Variants in COL24A1 observed in about 807,000 individuals in gnomAD.
COL24A1 encodes the protein collagen alpha-1(XXIV) chain.
A neutral mutation model predicts 253.9 loss-of-function variants in COL24A1; 224 were observed. The ratio of observed to expected loss-of-function variants is 0.88; its 90% confidence interval spans 0.79 to 0.99. The LOEUF (loss-of-function observed/expected upper bound fraction) is 0.99. Ranked by LOEUF, COL24A1 falls within the 50% of genes least tolerant of loss-of-function variation. The pLI is 0.00. For synonymous variants in COL24A1, 685 were observed against 673.7 expected, an observed-to-expected ratio of 1.02 and a Z score of -0.26; for missense variants, 2,131 against 2,068.5, an observed-to-expected ratio of 1.03 and a Z score of -0.59.
At chr1:86,086,671 T>C (rs1703087813) in intron 7 of COL24A1, among the ~76,000 whole-genome samples, 1 of 151,912 alleles carries the variant, frequency 6.6e-6, no homozygotes, top group Non-Finnish European at 1.5e-5. Context: ...ACATCAAACA[T>C]GAAAAAGCAA....
chr1:85,999,843 G>C (rs953493409), intron 19 of COL24A1, among the ~76,000 whole-genome samples: 7 of 152,016 alleles, frequency 4.6e-5, no homozygotes, highest in Non-Finnish European at 8.8e-5. Context: ...AGATGAGAGG[G>C]GGGTCTCATA....
intron 24 of COL24A1, among the ~76,000 whole-genome samples, chr1:85,941,126 C>T (rs912333124): frequency 6.6e-6 from 1 of 152,118 alleles, no homozygotes; most frequent in Non-Finnish European, 1.5e-5. Context: ...CTTCCCAAGA[C>T]TCTAATAACT....
In COL24A1 at chr1:85,847,684, C is replaced by A. The variant is rs1321497313; in HGVS notation, c.3443G>T (p.Arg1148Ile). 2 of 1,613,510 alleles carry A rather than the reference C, an allele frequency of 1.2e-6. No individual in the cohort carries two copies. The highest frequency in any genetic ancestry group is 3.3e-5 in the Admixed American group (2 of 59,952). The change falls in exon 39 of 60, where the codon AGA (arginine) becomes ATA (isoleucine). Residue 1148 changes from arginine (R) to isoleucine (I), a missense_variant. Transcript: ENST00000370571. ...KIGKSGPKGA[R>I]GTRGAVGHLG... Reference sequence around the variant, plus strand: ...ACTGACCACAGCACCTCTAGTTCCTCTGGCACCCTTAGGACCACTTTTCCC... The same window carrying A: ...ACTGACCACAGCACCTCTAGTTCCTATGGCACCCTTAGGACCACTTTTCCC...
intron 2 of COL24A1, among the ~76,000 whole-genome samples, chr1:86,141,996 C>T (rs1272625659): frequency 6.6e-6 from 1 of 151,996 alleles, no homozygotes; most frequent in African/African-American, 2.4e-5. Context: ...TCGCATCTGG[C>T]CAGTGTCTTA....
chr1:85,764,052 T>A (rs1008923997), intron 53 of COL24A1, among the ~76,000 whole-genome samples: 1 of 152,226 alleles, frequency 6.6e-6, no homozygotes, highest in Non-Finnish European at 1.5e-5. Context: ...ATTTCCTTTA[T>A]GTCATTTCCC....
At chr1:86,029,197 T>C (rs1413513697) in intron 14 of COL24A1, among the ~76,000 whole-genome samples, 2 of 150,480 alleles carry the variant, frequency 1.3e-5, no homozygotes, top group Non-Finnish European at 3.0e-5. Context: ...ACTAAAGAAA[T>C]CTCATAAGGT....
intron 7 of COL24A1, among the ~76,000 whole-genome samples, chr1:86,077,986 A>T (rs530660281): frequency 2.5e-4 from 38 of 152,266 alleles, no homozygotes; most frequent in African/African-American, 8.9e-4. Flanking sequence ...GTATAATTTT[A>T]AAAAAATTAA....
intron 4 of COL24A1, among the ~76,000 whole-genome samples, chr1:86,115,040 ATAAG>A: frequency 6.6e-6 from 1 of 152,286 alleles, no homozygotes; most frequent in East Asian, 1.9e-4. Context: ...CGATCACTTT[ATAAG>A]TAAGAATAAT....
Position 85,987,613 on chromosome 1 carries a change from A to C in COL24A1, c.2352T>G (p.Pro784=). The C allele has an allele frequency of 6.2e-7, 1 of 1,610,914 alleles. No individual in the cohort carries two copies. Among genetic ancestry groups the C allele is most frequent in the Non-Finnish European group, 8.5e-7 (1 of 1,178,000 alleles). Residue 784 remains proline (P), a synonymous_variant, in exon 20 of 60, where the codon CCT becomes CCG. Coordinates refer to ENST00000370571, the MANE Select transcript of COL24A1 (RefSeq NM_152890.7). ...TTCTTCTTCTTACCTTTGGTCCTTC[A>C]GGGCCGTTTTGTCCAGGAATCCCAA... ...GDIGIPGQNG[P]EGPKGLLGNR...
chr1:85,922,775 C>G (rs1462938352), intron 24 of COL24A1, among the ~76,000 whole-genome samples: 2 of 152,116 alleles, frequency 1.3e-5, no homozygotes, highest in Non-Finnish European at 2.9e-5. Flanking sequence ...GGCAAAATAA[C>G]CAGCTAACAT....
intron 24 of COL24A1, among the ~76,000 whole-genome samples, chr1:85,956,804 T>C (rs937601841): frequency 6.6e-6 from 1 of 152,182 alleles, no homozygotes; most frequent in African/African-American, 2.4e-5. Context: ...GCTTGCTTGA[T>C]TTAAGTATCA....
intron 28 of COL24A1, among the ~76,000 whole-genome samples, chr1:85,897,442 G>A (rs1571133423): frequency 6.6e-6 from 1 of 150,916 alleles, no homozygotes; most frequent in African/African-American, 2.5e-5. Flanking sequence ...ATAAAGTTTA[G>A]CTGGAATAAA....
In COL24A1 at chr1:86,089,228, C is replaced by G. The variant is rs1703307648; in HGVS notation, c.1654-1G>C. 1.3e-6 allele frequency: 2 copies of G among 1,582,602 alleles called. No individual in the cohort carries two copies. The highest frequency in any genetic ancestry group is 1.2e-5 in the South Asian group (1 of 84,520). Reference sequence around the variant, plus strand: ...TTAATCCAGAAAGGCCTTGATCACCCTATAAACAAAATACAGACGTTTAAT... The same window carrying G: ...TTAATCCAGAAAGGCCTTGATCACCGTATAAACAAAATACAGACGTTTAAT... On this transcript the variant is annotated splice_acceptor_variant, in intron 6 of 59. Coordinates refer to ENST00000370571, the MANE Select transcript of COL24A1 (RefSeq NM_152890.7). LOFTEE classifies it high-confidence loss of function.
intron 11 of COL24A1, among the ~76,000 whole-genome samples, chr1:86,049,440 G>T (rs1322130936): frequency 1.3e-5 from 2 of 152,100 alleles, no homozygotes; most frequent in African/African-American, 4.8e-5. Flanking sequence ...AATGATAGGG[G>T]TGAAGGCTGA....
chr1:86,022,953 C>T lies in COL24A1; in HGVS notation c.2103+1G>A. ...TATCCATTATACAAATAGAACCATA[C>T]CATTGGGCCAGGAATTCCAGCAGGT... On this transcript the variant is annotated splice_donor_variant, in intron 15 of 59. Coordinates refer to ENST00000370571, the MANE Select transcript of COL24A1 (RefSeq NM_152890.7). LOFTEE classifies it high-confidence loss of function. 1.2e-6 allele frequency: 2 copies of T among 1,613,202 alleles called. No homozygotes were observed. The highest frequency in any genetic ancestry group is 1.7e-6 in the Non-Finnish European group (2 of 1,179,476).
At chr1:86,089,495 C>T (rs1406775465) in intron 6 of COL24A1, among the ~76,000 whole-genome samples, 2 of 152,154 alleles carry the variant, frequency 1.3e-5, no homozygotes, top group Admixed American at 6.5e-5. Flanking sequence ...TGTCAAACTT[C>T]GCCTCAGTCC....
intron 37 of COL24A1, among the ~76,000 whole-genome samples, chr1:85,864,555 CATT>C (rs1269719385): frequency 6.6e-6 from 1 of 151,970 alleles, no homozygotes; most frequent in African/African-American, 2.4e-5. Flanking sequence ...AAAAAATAGA[CATT>C]ATAAACATTT....
chr1:85,825,046 T>A (rs1186747343), intron 43 of COL24A1, among the ~76,000 whole-genome samples: 1 of 151,486 alleles, frequency 6.6e-6, no homozygotes, highest in African/African-American at 2.4e-5. Flanking sequence ...TAGCATTAGG[T>A]ATATCCCCCA....
At chr1:85,795,635 T>C (rs2101716377) in intron 47 of COL24A1, among the ~76,000 whole-genome samples, 1 of 152,246 alleles carries the variant, frequency 6.6e-6, no homozygotes, top group Admixed American at 6.5e-5. Flanking sequence ...CTTAACATTT[T>C]TCTAAAAAAA....
Sources: gnomAD v4.1 joint callset for allele counts (sites outside exome capture counted in the v4.1 genomes callset) on GRCh38, gnomAD v4.1.1 for gene constraint, MANE v1.5 for transcripts, NCBI Gene and HGNC (gene_info 2026-07-23, HGNC 2026-07-21) for gene names.